Variants in HECW1 observed in about 807,000 individuals in gnomAD.
HECW1 encodes HECT, C2 and WW domain containing E3 ubiquitin protein ligase 1, also known as E3 ubiquitin-protein ligase HECW1.
A neutral mutation model predicts 182.3 loss-of-function variants in HECW1; 61 were observed. The ratio of observed to expected loss-of-function variants is 0.33; its 90% CI spans 0.27 to 0.41. The LOEUF is 0.41. Among genes scored for constraint, HECW1 ranks in the 10% least tolerant of loss-of-function variants. The pLI, the probability that HECW1 is intolerant of heterozygous loss-of-function variation, is 1.00. For missense variants in HECW1, 1,739 were observed against 2,108.9 expected (o/e 0.82, Z 3.44); for synonymous variants, 859 against 832.6 (o/e 1.03, Z -0.55).
chr7:43,355,272 C>A (rs774096824), intron 5 of HECW1, among the ~76,000 whole-genome samples: 2 of 152,136 alleles, frequency 1.3e-5, no homozygotes, highest in Non-Finnish European at 2.9e-5. Context: ...AGTACGCAGA[C>A]AAACCCAGGA....
intron 16 of HECW1, 120 bp downstream of exon 16, chr7:43,469,225 C>T (rs1339245311): frequency 1.2e-5 from 13 of 1,059,166 alleles, no homozygotes; most frequent in South Asian, 9.0e-5. Flanking sequence ...TGCTATCGGC[C>T]GCCAGCAGTA....
chr7:43,509,974 A>C (rs2079783089), intron 24 of HECW1: 1 of 152,310 alleles, frequency 6.6e-6, no homozygotes, highest in Non-Finnish European at 1.5e-5. Context: ...AGTATAACCC[A>C]CCTGTGCTAA....
At chr7:43,509,463 G>A (rs542493261) in intron 24 of HECW1, 9 of 178,762 alleles carry the variant, frequency 5.0e-5, no homozygotes, top group Admixed American at 4.2e-4. Flanking sequence ...GGTATTTATG[G>A]GTTTGAAATT....
intron 2 of HECW1, among the ~76,000 whole-genome samples, chr7:43,195,258 G>A (rs1177419229): frequency 6.6e-6 from 1 of 152,244 alleles, no homozygotes; most frequent in East Asian, 1.9e-4. Context: ...AGTCTTAAAA[G>A]GGGAATATAA....
chr7:43,310,726 C>A (rs189648541), intron 3 of HECW1, among the ~76,000 whole-genome samples: 2 of 152,298 alleles, frequency 1.3e-5, no homozygotes, highest in East Asian at 3.9e-4. Flanking sequence ...CTCATCATAG[C>A]TGGTAAACAA....
intron 2 of HECW1, among the ~76,000 whole-genome samples, chr7:43,190,695 G>T (rs950570652): frequency 6.6e-6 from 1 of 152,134 alleles, no homozygotes; most frequent in African/African-American, 2.4e-5. Flanking sequence ...CCCAAATGGG[G>T]CAGTCTTAAG....
intron 8 of HECW1, among the ~76,000 whole-genome samples, chr7:43,412,000 G>C (rs1039948517): frequency 6.6e-6 from 1 of 152,032 alleles, no homozygotes; most frequent in Admixed American, 6.5e-5. Flanking sequence ...TTTTCTGTTT[G>C]TCCTCTGGAT....
chr7:43,318,771 A>T (rs1302820419), intron 4 of HECW1, among the ~76,000 whole-genome samples: 1 of 152,238 alleles, frequency 6.6e-6, no homozygotes, highest in African/African-American at 2.4e-5. Context: ...AGAAAAGGGC[A>T]ATCATGAAAA....
chr7:43,397,279 C>G (rs182317652), intron 7 of HECW1, among the ~76,000 whole-genome samples: 1 of 152,076 alleles, frequency 6.6e-6, no homozygotes, highest in Admixed American at 6.5e-5. Flanking sequence ...ATAACTGAGC[C>G]GCTCAAAAAT....
intron 8 of HECW1, among the ~76,000 whole-genome samples, chr7:43,436,810 T>C (rs2076728799): frequency 6.6e-6 from 1 of 152,208 alleles, no homozygotes; most frequent in Admixed American, 6.5e-5. Flanking sequence ...ATTGGTATTG[T>C]TTTATTTTAA....
At chr7:43,262,240 A>ATGTGTGTGTG (rs768645865) in intron 3 of HECW1, among the ~76,000 whole-genome samples, 1 of 103,778 alleles carries the variant, frequency 9.6e-6, no homozygotes, top group Non-Finnish European at 2.0e-5. Flanking sequence ...ATATATATGT[A>ATGTGTGTGTG]TGTGTGCGTG....
At chr7:43,309,199 C>A (rs886209648) in intron 3 of HECW1, among the ~76,000 whole-genome samples, 1 of 152,026 alleles carries the variant, frequency 6.6e-6, no homozygotes. Flanking sequence ...AGGCAAGGAG[C>A]GGTTACAGCA....
In HECW1 at chr7:43,243,791, A is replaced by G. The variant is rs1799108477; in HGVS notation, c.-31-84A>G. 9.3e-7 allele frequency: 1 copy of G among 1,080,124 alleles called. No individual in the cohort carries two copies. The highest frequency in any genetic ancestry group is 1.4e-6 in the Non-Finnish European group (1 of 694,694). The allele number at this position is 1,080,124 out of a possible 1,614,324, so 66.9% of individuals were successfully genotyped here. ...CAGGTATCTTGGCGGGGGTGGGGGA[A>G]ACAATGTTGTTTGTGTGGGTAATGT... On this transcript the variant is annotated intron_variant, in intron 2 of 29. Transcript: ENST00000395891. The surrounding 1 kb of genome is among the most constrained non-coding windows in gnomAD (Gnocchi z 4.0).
At chr7:43,471,504 T>G (rs1226225102) in intron 16 of HECW1, among the ~76,000 whole-genome samples, 1 of 152,214 alleles carries the variant, frequency 6.6e-6, no homozygotes, top group Non-Finnish European at 1.5e-5. Context: ...TTTGGTGTCT[T>G]TGAATGCGTG....
intron 2 of HECW1, among the ~76,000 whole-genome samples, chr7:43,171,506 G>A (rs1007580482): frequency 2.0e-5 from 3 of 152,120 alleles, no homozygotes; most frequent in African/African-American, 7.3e-5. Flanking sequence ...ACCCTCAGGG[G>A]CTCCAAGGAA....
intron 2 of HECW1, among the ~76,000 whole-genome samples, chr7:43,198,075 CTT>C (rs1491043043): frequency 6.6e-6 from 1 of 150,902 alleles, no homozygotes; most frequent in African/African-American, 2.4e-5. Flanking sequence ...CACACACTCT[CTT>C]ACACACCACA....
chr7:43,295,601 C>T (rs1033094752), intron 3 of HECW1, among the ~76,000 whole-genome samples: 2 of 152,112 alleles, frequency 1.3e-5, no homozygotes, highest in African/African-American at 4.8e-5. Context: ...GACCAGAGGG[C>T]AGGGAGGCAA....
At chr7:43,410,280 G>T (rs185074631) in intron 8 of HECW1, among the ~76,000 whole-genome samples, 1 of 152,316 alleles carries the variant, frequency 6.6e-6, no homozygotes, top group East Asian at 1.9e-4. Context: ...GGGTTCTGGT[G>T]AGGGCCTCTT....
Position 43,205,837 on chromosome 7 carries a change from G to T in HECW1, c.-31-38038G>T, listed in dbSNP as rs551215430. On this transcript the variant is annotated intron_variant, in intron 2 of 29. Coordinates refer to ENST00000395891, the MANE Select transcript of HECW1 (RefSeq NM_015052.5). The stretch of plus-strand genomic sequence containing the variant: ...GGGCAAGATGATGGGAGAGTTATAA[G>T]TGCCCAGGGCTGTTGGATGATTTGT... Among the ~76,000 whole-genome samples the T allele has an allele frequency of 3.3e-5, 5 of 152,286 alleles. No individual in the cohort carries two copies. The East Asian group carries it at 9.7e-4, about 29-fold the overall frequency.
Sources: allele counts gnomAD v4.1 joint callset (sites outside exome capture counted in the v4.1 genomes callset), GRCh38; gene constraint gnomAD v4.1.1; non-coding constraint Gnocchi (gnomAD v3.1); transcripts MANE v1.5; gene names NCBI Gene and HGNC (gene_info 2026-07-23, HGNC 2026-07-21).